The following CLVS2 variants were observed in gnomAD, a reference collection of about 807,000 sequenced individuals.
CLVS2 encodes clavesin-2.
Under a neutral mutation model 29.0 loss-of-function variants are expected in CLVS2, and 19 were observed. The ratio of observed to expected loss-of-function variants is 0.66; its 90% confidence interval spans 0.46 to 0.96. The LOEUF is 0.96. Ranked by LOEUF, CLVS2 falls within the 40% of genes least tolerant of loss-of-function variation. CLVS2 has a pLI of 0.00. For missense variants in CLVS2, 294 were observed against 404.1 expected (o/e 0.73, Z 2.34); for synonymous variants, 161 against 151.3 (o/e 1.06, Z -0.47).
intron 3 of CLVS2, among the ~76,000 whole-genome samples, chr6:123,014,748 A>G (rs1774801791): frequency 6.6e-6 from 1 of 152,122 alleles, no homozygotes; most frequent in Non-Finnish European, 1.5e-5. Context: ...GATGAATTAA[A>G]GTTGAATGAC....
chr6:123,060,093 T>C lies in CLVS2; in HGVS notation c.897-3581T>C, dbSNP rs186396778. ...GGACAAGAGAAGATTGCTCCTATGT[T>C]CCACACTGATTCCCCTTGGCCCTTT... On this transcript the variant is annotated intron_variant, in intron 5 of 5. Coordinates refer to ENST00000275162, the MANE Select transcript of CLVS2 (RefSeq NM_001010852.4). Among the ~76,000 whole-genome samples, 16 of 152,382 alleles carry C rather than the reference T, an allele frequency of 1.0e-4. No individual in the cohort carries two copies. The East Asian group carries it at 2.9e-3, about 28-fold the overall frequency.
At chr6:123,043,426 A>G (rs1775262462) in intron 3 of CLVS2, among the ~76,000 whole-genome samples, 1 of 152,000 alleles carries the variant, frequency 6.6e-6, no homozygotes, top group Non-Finnish European at 1.5e-5. Context: ...TAAACATGTA[A>G]TTTCTAGGTG....
chr6:123,066,814 T>C lies in CLVS2; in HGVS notation c.*3053T>C, dbSNP rs1044195159. The C allele has an allele frequency of 4.0e-5, 6 of 151,758 alleles. No individual in the cohort carries two copies. The highest frequency in any genetic ancestry group is 8.9e-5 in the Non-Finnish European group (6 of 67,748). The allele number at this position is 151,758 out of a possible 1,614,324, so 9.4% of individuals were successfully genotyped here. ...CAAAAAGTAAATACGTAAATCTATATTATATAGGTGAAATATAGATATCAT... is the reference window on the plus strand; with the variant it reads ...CAAAAAGTAAATACGTAAATCTATACTATATAGGTGAAATATAGATATCAT... On this transcript the variant is annotated 3_prime_UTR_variant, in exon 6 of 6. Coordinates refer to ENST00000275162, the MANE Select transcript of CLVS2 (RefSeq NM_001010852.4).
chr6:123,045,335 A>G (rs906856747), intron 3 of CLVS2, among the ~76,000 whole-genome samples: 8 of 152,146 alleles, frequency 5.3e-5, no homozygotes, highest in Non-Finnish European at 8.8e-5. Flanking sequence ...TGGAAGTTAA[A>G]GGAGGACTAC....
At chr6:123,006,127 G>A (rs979600845) in intron 2 of CLVS2, among the ~76,000 whole-genome samples, 4 of 152,200 alleles carry the variant, frequency 2.6e-5, no homozygotes, top group South Asian at 2.1e-4. Context: ...GTCTCCAGCA[G>A]GTCAAGACAA....
chr6:123,048,573 C>G, intron 3 of CLVS2, 49 bp from the exon 4 acceptor site: 1 of 1,225,550 alleles, frequency 8.2e-7, no homozygotes, highest in Middle Eastern at 1.9e-4. Flanking sequence ...TAAACCTTCT[C>G]AGTCTATTAA....
intron 2 of CLVS2, 112 bp downstream of exon 2, chr6:122,998,278 A>C: frequency 7.7e-7 from 1 of 1,303,772 alleles, no homozygotes; most frequent in Non-Finnish European, 1.0e-6. Context: ...TTTGGCTTGG[A>C]GAAAAGAGAA....
Position 123,011,076 on chromosome 6 carries a change from A to C in CLVS2, c.481A>C (p.Ile161Leu). 6.2e-7 allele frequency: 1 copy of C among 1,611,778 alleles called. No homozygotes were observed. Among genetic ancestry groups the C allele is most frequent in the Non-Finnish European group, 8.5e-7 (1 of 1,178,744 alleles). Residue 161 changes from isoleucine (I) to leucine (L), a missense_variant, in exon 3 of 6, where the codon ATC becomes CTC. By Grantham distance (5) the Ile-to-Leu change is conservative. Around this residue, in one of 2 missense-constraint regions of CLVS2, gnomAD observed 212 missense variants for 336.4 expected, o/e 0.63. Coordinates refer to ENST00000275162, the MANE Select transcript of CLVS2 (RefSeq NM_001010852.4). Reference protein sequence around the residue: ...PELQVNGFVLIIDWSNFTFKQ... With the variant: ...PELQVNGFVLLIDWSNFTFKQ... ...GCTTCAAGTGAATGGGTTTGTTTTG[A>C]TCATAGACTGGAGTAACTTCACTTT...
At chr6:123,038,378 A>AG (rs1444975025) in intron 3 of CLVS2, among the ~76,000 whole-genome samples, 1 of 152,174 alleles carries the variant, frequency 6.6e-6, no homozygotes, top group Non-Finnish European at 1.5e-5. Flanking sequence ...CCTATCCTTG[A>AG]GTAAGTCTTA....
chr6:122,998,960 C>T (rs1401235531), intron 2 of CLVS2, among the ~76,000 whole-genome samples: 1 of 152,170 alleles, frequency 6.6e-6, no homozygotes, highest in African/African-American at 2.4e-5. Flanking sequence ...TTTTTATCTA[C>T]ATTATTATAG....
intron 5 of CLVS2, among the ~76,000 whole-genome samples, chr6:123,057,199 C>G (rs893893150): frequency 5.3e-5 from 8 of 152,178 alleles, no homozygotes; most frequent in African/African-American, 1.7e-4. Context: ...CTCCCCTCAC[C>G]TAGCTCAGGG....
chr6:123,017,445 G>A (rs1228163780), intron 3 of CLVS2, among the ~76,000 whole-genome samples: 2 of 152,050 alleles, frequency 1.3e-5, no homozygotes, highest in Non-Finnish European at 2.9e-5. Context: ...TCTACATTTT[G>A]TATGCAGAGG....
chr6:123,060,273 CAT>C (rs1224969550), intron 5 of CLVS2, among the ~76,000 whole-genome samples: 1 of 152,148 alleles, frequency 6.6e-6, no homozygotes, highest in African/African-American at 2.4e-5. Flanking sequence ...GAAGCATAGT[CAT>C]GTGTAAATAT....
At chr6:123,037,241 A>G (rs1297568190) in intron 3 of CLVS2, among the ~76,000 whole-genome samples, 2 of 151,966 alleles carry the variant, frequency 1.3e-5, no homozygotes, top group East Asian at 3.9e-4. Context: ...CCCAGATTAA[A>G]CTGTGGCAAA....
intron 3 of CLVS2, among the ~76,000 whole-genome samples, chr6:123,011,713 A>G (rs1774750431): frequency 6.6e-6 from 1 of 151,916 alleles, no homozygotes; most frequent in African/African-American, 2.4e-5. Flanking sequence ...TCCAGTGAGT[A>G]ATGTTTAACT....
intron 3 of CLVS2, among the ~76,000 whole-genome samples, chr6:123,033,178 TG>T: frequency 6.6e-6 from 1 of 152,206 alleles, no homozygotes; most frequent in African/African-American, 2.4e-5. Context: ...CTGTCAGCTT[TG>T]GGGGTAAGGA....
rs1236436810 is a variant in CLVS2, at chr6:123,064,080, A to C, written c.*319A>C. On this transcript the variant is annotated 3_prime_UTR_variant, in exon 6 of 6. Coordinates refer to ENST00000275162, the MANE Select transcript of CLVS2 (RefSeq NM_001010852.4). ...AAAGTCCATGCCAGTGTTATGAACT[A>C]TAACAAAAAGCAGAAAAGACACAGT... is the stretch of plus-strand genomic sequence containing the variant. The C allele has an allele frequency of 1.0e-5, 2 of 198,506 alleles. No individual in the cohort carries two copies. The highest frequency in any genetic ancestry group is 2.3e-5 in the African/African-American group (1 of 42,922). 12.3% of individuals were successfully genotyped at this position (198,506 alleles called of 1,614,324 possible). A position where few individuals can be genotyped will look rare whatever the true frequency, so the allele number is the denominator to read the frequency against.
intron 2 of CLVS2, among the ~76,000 whole-genome samples, chr6:123,009,746 C>T (rs1417025560): frequency 3.3e-5 from 5 of 152,088 alleles, no homozygotes; most frequent in African/African-American, 1.2e-4. Context: ...AAATTGTTAA[C>T]ATCTTCCATA....
intron 2 of CLVS2, among the ~76,000 whole-genome samples, chr6:123,008,129 A>G (rs910032591): frequency 6.6e-6 from 1 of 152,090 alleles, no homozygotes; most frequent in African/African-American, 2.4e-5. Flanking sequence ...AGAGGAGTGG[A>G]GTTAAGAGTG....
Sources: allele counts gnomAD v4.1 joint callset (sites outside exome capture counted in the v4.1 genomes callset), GRCh38; gene constraint gnomAD v4.1.1; regional missense constraint gnomAD v4.1.1; transcripts MANE v1.5; gene names NCBI Gene and HGNC (gene_info 2026-07-23, HGNC 2026-07-21).